The following DSE variants were observed in gnomAD, a reference collection of about 807,000 sequenced individuals.
The protein encoded by DSE is dermatan-sulfate epimerase.
DSE carries 36 observed loss-of-function variants against 84.4 expected under a neutral mutation model. That is an observed-to-expected ratio of 0.43 (90% CI 0.33 to 0.56). DSE has a LOEUF of 0.56. DSE is among the 20% of genes least tolerant of loss of function. DSE has a pLI of 0.06. For synonymous variants in DSE, 410 were observed against 430.1 expected, an observed-to-expected ratio of 0.95 and a Z score of 0.58; for missense variants, 862 against 1,169.6, an observed-to-expected ratio of 0.74 and a Z score of 3.84.
chr6:116,286,346 A>G (rs553443982), intron 2 of DSE, among the ~76,000 whole-genome samples: 1 of 152,212 alleles, frequency 6.6e-6, no homozygotes, highest in East Asian at 1.9e-4. Flanking sequence ...TTAACTTGAT[A>G]CACAATTTTC....
chr6:116,341,978 C>G (rs1355014380), intron 2 of DSE, among the ~76,000 whole-genome samples: 1 of 152,048 alleles, frequency 6.6e-6, no homozygotes, highest in African/African-American at 2.4e-5. Context: ...AATGCGGGCT[C>G]TTTTTTGGTT....
chr6:116,280,037 T>C (rs550400283), intron 2 of DSE: 7 of 684,114 alleles, frequency 1.0e-5, no homozygotes, highest in African/African-American at 1.8e-5. Context: ...CCGGATTCTC[T>C]GGGCTTTATT....
intron 2 of DSE, among the ~76,000 whole-genome samples, chr6:116,342,930 C>A (rs572081445): frequency 6.6e-6 from 1 of 152,126 alleles, no homozygotes; most frequent in Non-Finnish European, 1.5e-5. Flanking sequence ...CCTGGAAAAT[C>A]GGGACACTTC....
At chr6:116,356,478 A>C (rs188234603) in intron 2 of DSE, among the ~76,000 whole-genome samples, 1 of 152,362 alleles carries the variant, frequency 6.6e-6, no homozygotes, top group South Asian at 2.1e-4. Context: ...TCTTTTTAAA[A>C]ACATATTTTA....
At chr6:116,430,637 G>T (rs527312939) in intron 3 of DSE, among the ~76,000 whole-genome samples, 57 of 152,190 alleles carry the variant, frequency 3.7e-4, no homozygotes, top group African/African-American at 1.3e-3. Flanking sequence ...CACCTCCCGG[G>T]TTCACACCAT....
Position 116,286,378 on chromosome 6 carries a change from T to C in DSE, c.-54+27411T>C, listed in dbSNP as rs115722698. 3.4e-3 allele frequency among the ~76,000 whole-genome samples: 524 copies of C among 152,284 alleles called. 2 individuals carry two copies. Among genetic ancestry groups the C allele is most frequent in the African/African-American group, 0.012 (494 of 41,566 alleles). ...TTTCTTCTCTCTTCCCTCTTTCCCC[T>C]ATCCACAAGCATATTAATATAATAT... On this transcript the variant is annotated intron_variant, in intron 2 of 3. Coordinates refer to the DSE transcript ENST00000430252.
At chr6:116,338,175 C>CTCTTTCTTTCTTTCTT (rs1175457799) in intron 2 of DSE, among the ~76,000 whole-genome samples, 113 of 122,896 alleles carry the variant, frequency 9.2e-4, no homozygotes, top group African/African-American at 3.0e-3. Flanking sequence ...CTGTCTCTTT[C>CTCTTTCTTTCTTTCTT]TCTTTCTTTC....
intron 2 of DSE, among the ~76,000 whole-genome samples, chr6:116,299,422 A>C (rs764788143): frequency 6.6e-6 from 1 of 150,872 alleles, no homozygotes; most frequent in Non-Finnish European, 1.5e-5. Flanking sequence ...TTAGAAAGCT[A>C]TAAGGGAAGA....
At chr6:116,300,631 C>T (rs1774982103) in intron 2 of DSE, among the ~76,000 whole-genome samples, 1 of 152,212 alleles carries the variant, frequency 6.6e-6, no homozygotes, top group African/African-American at 2.4e-5. Flanking sequence ...CTAATGGGGA[C>T]ATTTTTGGCC....
At chr6:116,267,372 G>A (rs1333380752) in intron 2 of DSE, among the ~76,000 whole-genome samples, 6 of 152,040 alleles carry the variant, frequency 3.9e-5, no homozygotes, top group South Asian at 2.1e-4. Flanking sequence ...ATTGATAATC[G>A]GGAGCATGGC....
intron 1 of DSE, chr6:116,375,390 G>T: frequency 4.9e-6 from 1 of 205,074 alleles, no homozygotes; most frequent in Non-Finnish European, 8.6e-6. Context: ...TTTCTTCCTA[G>T]CTACTTGGGA....
At chr6:116,355,648 A>G (rs929923051) in intron 2 of DSE, 1 of 152,204 alleles carries the variant, frequency 6.6e-6, no homozygotes, top group African/African-American at 2.4e-5. Context: ...TTGATATGTT[A>G]TCTCAACTAA....
chr6:116,314,188 G>A (rs1486552651), intron 2 of DSE, among the ~76,000 whole-genome samples: 1 of 151,860 alleles, frequency 6.6e-6, no homozygotes, highest in Non-Finnish European at 1.5e-5. Context: ...AAGAGATTTT[G>A]CTTTGTTATC....
intron 2 of DSE, among the ~76,000 whole-genome samples, chr6:116,405,823 A>T (rs936050293): frequency 1.3e-5 from 2 of 152,166 alleles, no homozygotes; most frequent in Non-Finnish European, 2.9e-5. Context: ...AGGGAGAGGC[A>T]TAGGCAGGTG....
intron 2 of DSE, chr6:116,279,662 C>T (rs1309143671): frequency 3.1e-6 from 5 of 1,607,066 alleles, no homozygotes; most frequent in East Asian, 4.5e-5. Flanking sequence ...GGGAGCGCGA[C>T]GGTCTCCGAG....
chr6:116,334,894 T>C, intron 2 of DSE, among the ~76,000 whole-genome samples: 1 of 152,140 alleles, frequency 6.6e-6, no homozygotes. Flanking sequence ...ATATAACAGA[T>C]GCTGACAAAG....
intron 2 of DSE, 61 bp from the exon 3 acceptor site, chr6:116,426,513 G>C (rs1366272362): frequency 1.8e-5 from 29 of 1,575,484 alleles, no homozygotes; most frequent in Non-Finnish European, 2.3e-5. Flanking sequence ...AGACACTTTA[G>C]AAGTGTGGTG....
intron 2 of DSE, among the ~76,000 whole-genome samples, chr6:116,363,121 A>G (rs1778992117): frequency 6.6e-6 from 1 of 152,188 alleles, no homozygotes; most frequent in African/African-American, 2.4e-5. Flanking sequence ...CATTTAAAGT[A>G]ACTTTTCCAT....
chr6:116,358,689 T>C (rs1402579121), intron 2 of DSE, among the ~76,000 whole-genome samples: 4 of 152,196 alleles, frequency 2.6e-5, no homozygotes, highest in Admixed American at 2.6e-4. Context: ...CAAACAAAGA[T>C]AGTGTATTGC....
Sources: gnomAD v4.1 joint callset for allele counts (sites outside exome capture counted in the v4.1 genomes callset) on GRCh38, gnomAD v4.1.1 for gene constraint, MANE v1.5 for transcripts, NCBI Gene and HGNC (gene_info 2026-07-23, HGNC 2026-07-21) for gene names.